AARS1: variants seen among roughly 807,000 people sequenced by gnomAD.
AARS1 encodes the protein alanine--tRNA ligase, cytoplasmic.
In AARS1, 72 loss-of-function variants were observed where a neutral mutation model predicts 108.9. The observed-to-expected ratio is 0.66, with a 90% CI of 0.55 to 0.80. The LOEUF is 0.80. Among genes scored for constraint, AARS1 ranks in the 30% least tolerant of loss-of-function variants. AARS1 has a pLI of 0.00. For missense variants in AARS1, 1,193 were observed against 1,233.2 expected (o/e 0.97, Z 0.49); for synonymous variants, 489 against 465.7 (o/e 1.05, Z -0.64).
chr16:70,285,447 TTTC>T (rs1440484468), intron 1 of AARS1, among the ~76,000 whole-genome samples: 1 of 151,896 alleles, frequency 6.6e-6, no homozygotes, highest in Non-Finnish European at 1.5e-5. Flanking sequence ...GCCCAGTTAA[TTTC>T]TTTTTTTTTC....
chr16:70,275,954 A>AAAAAAAAC (rs1960538809), intron 4 of AARS1: 1 of 150,526 alleles, frequency 6.6e-6, no homozygotes, highest in African/African-American at 2.5e-5. Context: ...AAAAAAAAAA[A>AAAAAAAAC]AAAAAAACCA....
At chr16:70,267,259 T>A (rs192614937) in intron 9 of AARS1, among the ~76,000 whole-genome samples, 104 of 152,288 alleles carry the variant, frequency 6.8e-4, no homozygotes, top group Non-Finnish European at 1.3e-3. Context: ...TGGAATTAAT[T>A]TTCCCCAAAT....
rs372467445 is a variant in AARS1 at position 70,271,989 on chromosome 16, G to A, written c.480-17C>T. Reference sequence around the variant, plus strand: ...TCATCCAGCCTGACAAAGGAGTAAAGATAAGTCCAGTTACAGCCCCTGACA... The same window carrying A: ...TCATCCAGCCTGACAAAGGAGTAAAAATAAGTCCAGTTACAGCCCCTGACA... On this transcript the variant is annotated splice_polypyrimidine_tract_variant and intron_variant, in intron 4 of 20. Transcript: ENST00000261772. 400 of 1,611,768 alleles carry A rather than the reference G, an allele frequency of 2.5e-4. No individual in the cohort carries two copies. The highest frequency in any genetic ancestry group is 3.3e-4 in the Non-Finnish European group (388 of 1,178,200).
intron 4 of AARS1, among the ~76,000 whole-genome samples, chr16:70,275,109 A>G (rs1445714072): frequency 6.6e-6 from 1 of 151,324 alleles, no homozygotes; most frequent in African/African-American, 2.4e-5. Context: ...AAAATACAAA[A>G]ATTAGCCAGG....
chr16:70,282,538 C>T (rs1045762813), intron 2 of AARS1, 82 bp downstream of exon 2: 2 of 1,554,350 alleles, frequency 1.3e-6, no homozygotes, highest in African/African-American at 2.7e-5. Flanking sequence ...CAGAATCGGT[C>T]TGACCCCAGG....
chr16:70,260,253 C>A (rs1960101195), intron 13 of AARS1, among the ~76,000 whole-genome samples: 2 of 152,214 alleles, frequency 1.3e-5, no homozygotes, highest in Admixed American at 6.5e-5. Context: ...GACAATGGAT[C>A]TGATAGCTAT....
chr16:70,280,705 G>A (rs1325851221), intron 2 of AARS1, among the ~76,000 whole-genome samples: 1 of 152,184 alleles, frequency 6.6e-6, no homozygotes, highest in Non-Finnish European at 1.5e-5. Flanking sequence ...AGCCTGGGAA[G>A]TACTGTTTAG....
intron 1 of AARS1, among the ~76,000 whole-genome samples, chr16:70,286,965 A>G (rs1960860270): frequency 7.0e-6 from 1 of 142,712 alleles, no homozygotes; most frequent in Middle Eastern, 4.0e-3. Flanking sequence ...AAAATACAAA[A>G]ATTAGGCCGG....
At chr16:70,262,750 C>T (rs1960165036) in intron 11 of AARS1, among the ~76,000 whole-genome samples, 1 of 151,616 alleles carries the variant, frequency 6.6e-6, no homozygotes, top group African/African-American at 2.4e-5. Flanking sequence ...AGGCGGATCA[C>T]GGGGTCAAGA....
At chr16:70,265,407 T>C in intron 10 of AARS1, 131 bp downstream of exon 10, 1 of 1,431,268 alleles carries the variant, frequency 7.0e-7, no homozygotes. Context: ...TCGCCCCCAC[T>C]TGAGAACCAC....
intron 4 of AARS1, among the ~76,000 whole-genome samples, chr16:70,273,454 A>C (rs534231433): frequency 1.3e-5 from 2 of 152,300 alleles, no homozygotes; most frequent in East Asian, 1.9e-4. Flanking sequence ...ACAGTGGCTC[A>C]TATCTGTAAT....
chr16:70,260,462 G>A (rs1423792017), intron 13 of AARS1, among the ~76,000 whole-genome samples: 3 of 152,150 alleles, frequency 2.0e-5, no homozygotes, highest in Non-Finnish European at 2.9e-5. Flanking sequence ...TCATTCTTCA[G>A]CATCCTTGGC....
At chr16:70,284,149 A>G (rs562901458) in intron 1 of AARS1, among the ~76,000 whole-genome samples, 3 of 151,972 alleles carry the variant, frequency 2.0e-5, no homozygotes, top group Non-Finnish European at 2.9e-5. Flanking sequence ...GAAAAAAAAT[A>G]CAAAAAATTA....
chr16:70,276,231 A>C (rs1960546698), intron 4 of AARS1: 1 of 224,870 alleles, frequency 4.4e-6, no homozygotes, highest in East Asian at 1.1e-4. Flanking sequence ...TAAATAAATA[A>C]ATAAATAAAG....
chr16:70,265,104 T>C lies in AARS1; in HGVS notation c.1348-2A>G. The C allele has an allele frequency of 6.2e-7, 1 of 1,614,106 alleles. No homozygotes were observed. Among genetic ancestry groups the C allele is most frequent in the East Asian group, 2.2e-5 (1 of 44,880 alleles). ...AGCTCCCTTGCCCTGTGATTTCAGCTGTCAGCAAGAGAAACAAGCATAAGT... is the reference window on the plus strand; with the variant it reads ...AGCTCCCTTGCCCTGTGATTTCAGCCGTCAGCAAGAGAAACAAGCATAAGT... On this transcript the variant is annotated splice_acceptor_variant, in intron 10 of 20. Coordinates refer to ENST00000261772, the MANE Select transcript of AARS1 (RefSeq NM_001605.3). LOFTEE classifies it high-confidence loss of function.
chr16:70,254,036 G>C lies in AARS1; in HGVS notation c.2403C>G (p.Ala801=), dbSNP rs771133578. ...ACTGGGGGATGACTGCAGTGGCCAG[G>C]GCCTGGAACCAATAGACGACCATCT... ...VQREIADLGE[A]LATAVIPQWQ... is the part of the protein sequence containing the mutation. The change falls in exon 18 of 21, where the codon GCC becomes GCG. Residue 801 remains alanine, a splice_region_variant and synonymous_variant. Coordinates refer to ENST00000261772, the MANE Select transcript of AARS1 (RefSeq NM_001605.3). 1.7e-5 allele frequency: 28 copies of C among 1,613,938 alleles called. No homozygotes were observed. The highest frequency in any genetic ancestry group is 2.3e-5 in the Non-Finnish European group (27 of 1,180,048).
Position 70,271,716 on chromosome 16 carries a change from C to T in AARS1, c.671+65G>A, listed in dbSNP as rs575547949. 2.2e-5 allele frequency: 33 copies of T among 1,510,528 alleles called. No individual in the cohort carries two copies. The African/African-American group carries it at 4.4e-4, about 20-fold the overall frequency. 93.6% of individuals were successfully genotyped at this position (1,510,528 alleles called of 1,614,324 possible). A position where few individuals can be genotyped will look rare whatever the true frequency, so the allele number is the denominator to read the frequency against. ...GCTTTTAGCTGAGAAGAGAGCTACA[C>T]AGCTCCGAGTTCCTCCTCCCCTGCT... On this transcript the variant is annotated intron_variant, in intron 5 of 20. Coordinates refer to ENST00000261772, the MANE Select transcript of AARS1 (RefSeq NM_001605.3).
intron 15 of AARS1, 123 bp downstream of exon 15, chr16:70,257,910 C>T: frequency 9.4e-7 from 1 of 1,063,440 alleles, no homozygotes; most frequent in Non-Finnish European, 1.4e-6. Context: ...CGCTATTTAG[C>T]AACGGCATTT....
intron 1 of AARS1, among the ~76,000 whole-genome samples, chr16:70,289,049 G>T (rs1960953903): frequency 6.6e-6 from 1 of 151,302 alleles, no homozygotes; most frequent in African/African-American, 2.4e-5. Context: ...CGCCTGGACC[G>T]GCATCAGCTG....
Sources: allele counts gnomAD v4.1 joint callset (sites outside exome capture counted in the v4.1 genomes callset), GRCh38; gene constraint gnomAD v4.1.1; transcripts MANE v1.5; gene names NCBI Gene and HGNC (gene_info 2026-07-23, HGNC 2026-07-21).